Variants in COL26A1 observed in about 807,000 individuals in gnomAD.
The protein encoded by COL26A1 is collagen type XXVI alpha 1 chain, also known as collagen alpha-1(XXVI) chain.
COL26A1 carries 41 observed loss-of-function variants against 59.3 expected under a neutral mutation model. The observed-to-expected ratio is 0.69, with a 90% CI of 0.54 to 0.90. COL26A1 has a LOEUF of 0.90. COL26A1 is among the 40% of genes least tolerant of loss of function. The pLI is 0.00. For synonymous variants in COL26A1, 266 were observed against 256.0 expected, an observed-to-expected ratio of 1.04 and a Z score of -0.37; for missense variants, 612 against 602.3, an observed-to-expected ratio of 1.02 and a Z score of -0.17.
chr7:101,549,351 C>T (rs757640660), intron 9 of COL26A1, 128 bp downstream of exon 9: 2 of 588,858 alleles, frequency 3.4e-6, no homozygotes, highest in Non-Finnish European at 3.0e-6. Flanking sequence ...TCGGCCTGGC[C>T]GGTGAGATTT....
intron 2 of COL26A1, among the ~76,000 whole-genome samples, chr7:101,435,348 G>A (rs978358960): frequency 2.6e-5 from 4 of 152,266 alleles, no homozygotes; most frequent in Admixed American, 2.6e-4. Flanking sequence ...TTCAGGCCAT[G>A]TAGTCGCCCC....
At chr7:101,548,061 G>T (rs568062170) in intron 8 of COL26A1, among the ~76,000 whole-genome samples, 1 of 152,108 alleles carries the variant, frequency 6.6e-6, no homozygotes, top group Non-Finnish European at 1.5e-5. Context: ...GGGAGGCGCC[G>T]TCAAAACGTG....
At chr7:101,545,574 G>A in intron 7 of COL26A1, 84 bp downstream of exon 7, 2 of 1,402,064 alleles carry the variant, frequency 1.4e-6, no homozygotes, top group Non-Finnish European at 1.9e-6. Context: ...AGGATCCTGG[G>A]AAGTGGACCC....
At chr7:101,370,496 G>A (rs1012467126) in intron 1 of COL26A1, among the ~76,000 whole-genome samples, 2 of 151,594 alleles carry the variant, frequency 1.3e-5, no homozygotes, top group Admixed American at 6.6e-5. Context: ...TCAGCCTTCC[G>A]ACTAGCTGGT....
intron 3 of COL26A1, among the ~76,000 whole-genome samples, chr7:101,475,784 C>G (rs1292854597): frequency 9.6e-6 from 1 of 104,040 alleles, no homozygotes; most frequent in Admixed American, 8.5e-5. Flanking sequence ...TTCTTTCTTT[C>G]TTTCCTTCCT....
intron 1 of COL26A1, among the ~76,000 whole-genome samples, chr7:101,395,928 T>C (rs1337683428): frequency 2.0e-5 from 3 of 152,152 alleles, no homozygotes; most frequent in Non-Finnish European, 2.9e-5. Context: ...GAAAACCTTC[T>C]GGAACTTTGT....
At chr7:101,458,661 A>T (rs1793536199) in intron 3 of COL26A1, among the ~76,000 whole-genome samples, 1 of 151,912 alleles carries the variant, frequency 6.6e-6, no homozygotes, top group Non-Finnish European at 1.5e-5. Context: ...CAAAAAAAAA[A>T]GAAATGGTAC....
intron 3 of COL26A1, among the ~76,000 whole-genome samples, chr7:101,516,704 C>T (rs1479895587): frequency 1.3e-5 from 2 of 152,196 alleles, no homozygotes; most frequent in Admixed American, 1.3e-4. Flanking sequence ...GGCCAAACAA[C>T]TGAGGTTCAG....
intron 3 of COL26A1, among the ~76,000 whole-genome samples, chr7:101,470,440 C>T (rs1387412107): frequency 6.6e-6 from 1 of 151,894 alleles, no homozygotes; most frequent in African/African-American, 2.4e-5. Flanking sequence ...TTCACCCCTG[C>T]AAGCTTCTGT....
At chr7:101,408,616 G>A (rs1213074915) in intron 1 of COL26A1, among the ~76,000 whole-genome samples, 1 of 152,216 alleles carries the variant, frequency 6.6e-6, no homozygotes, top group Admixed American at 6.5e-5. Flanking sequence ...AGCCTGGGAT[G>A]GCCTTTGATT....
chr7:101,404,071 G>T lies in COL26A1; in HGVS notation c.159-15906G>T, dbSNP rs372291082. ...ATCATGCCATAGCACTCCAGCCTGG[G>T]CAACAGAGCTATGCAAGAAGAGAAG... On this transcript the variant is annotated intron_variant, in intron 1 of 12. Transcript: ENST00000313669. Among the ~76,000 whole-genome samples, 28 of 152,252 alleles carry T rather than the reference G, an allele frequency of 1.8e-4. No homozygotes were observed. In the East Asian group the frequency reaches 2.9e-3, roughly 16 times the overall value.
intron 1 of COL26A1, among the ~76,000 whole-genome samples, chr7:101,387,798 C>T (rs1272679061): frequency 2.0e-5 from 2 of 98,102 alleles, no homozygotes; most frequent in Non-Finnish European, 4.2e-5. Context: ...AAGACAGAGT[C>T]TCACTGTGTC....
intron 1 of COL26A1, among the ~76,000 whole-genome samples, chr7:101,385,131 T>C (rs961120702): frequency 6.6e-6 from 1 of 151,602 alleles, no homozygotes; most frequent in Admixed American, 6.6e-5. Context: ...CTGACTCAAC[T>C]GTTAATCTCC....
chr7:101,414,549 C>T (rs975613220), intron 1 of COL26A1, among the ~76,000 whole-genome samples: 1 of 151,972 alleles, frequency 6.6e-6, no homozygotes, highest in African/African-American at 2.4e-5. Context: ...GCAATTCTCC[C>T]GCCTCAGCCT....
At chr7:101,463,642 C>CCCCCT (rs1793671316) in intron 3 of COL26A1, among the ~76,000 whole-genome samples, 1 of 27,144 alleles carries the variant, frequency 3.7e-5, no homozygotes, top group Non-Finnish European at 6.2e-5. Context: ...TTCCTTCCTT[C>CCCCCT]CATCCTTCCA....
intron 3 of COL26A1, among the ~76,000 whole-genome samples, chr7:101,520,483 C>T (rs1046820496): frequency 4.6e-5 from 7 of 152,068 alleles, no homozygotes; most frequent in African/African-American, 9.7e-5. Context: ...CCAGGAGACG[C>T]GACCACCCTG....
At chr7:101,526,191 G>A (rs953322918) in intron 3 of COL26A1, among the ~76,000 whole-genome samples, 8 of 151,998 alleles carry the variant, frequency 5.3e-5, no homozygotes, top group African/African-American at 1.9e-4. Flanking sequence ...TGGGATTACA[G>A]GTGCCCGCCA....
At chr7:101,519,377 C>A (rs999252379) in intron 3 of COL26A1, among the ~76,000 whole-genome samples, 1 of 152,172 alleles carries the variant, frequency 6.6e-6, no homozygotes, top group Admixed American at 6.5e-5. Flanking sequence ...GTAGTGTCAT[C>A]ATAGCTCACT....
intron 1 of COL26A1, among the ~76,000 whole-genome samples, chr7:101,402,540 CTTCT>C (rs1259395362): frequency 4.0e-5 from 6 of 151,670 alleles, no homozygotes; most frequent in East Asian, 3.9e-4. Flanking sequence ...TCTTTCTTTT[CTTCT>C]TTCTTTCTCT....
Sources: gnomAD v4.1 joint callset for allele counts (sites outside exome capture counted in the v4.1 genomes callset) on GRCh38, gnomAD v4.1.1 for gene constraint, MANE v1.5 for transcripts, NCBI Gene and HGNC (gene_info 2026-07-23, HGNC 2026-07-21) for gene names.